The following BAAT variants were observed in gnomAD, a reference collection of about 807,000 sequenced individuals.
BAAT encodes bile acid-CoA:amino acid N-acyltransferase, also known as bile acid CoA: amino acid N-acyltransferase (glycine N-choloyltransferase).
BAAT carries 13 observed loss-of-function variants against 18.9 expected under a neutral mutation model. The observed-to-expected ratio is 0.69, with a 90% CI of 0.45 to 1.10. BAAT has a LOEUF of 1.10. Ranked by LOEUF, BAAT falls within the 50% of genes least tolerant of loss-of-function variation. The probability of loss-of-function intolerance (pLI) is 0.00; values close to 1 mark genes in which losing one functional copy is unlikely to be tolerated. For missense variants in BAAT, 489 were observed against 504.0 expected (o/e 0.97, Z 0.28); for synonymous variants, 170 against 190.7 (o/e 0.89, Z 0.89).
chr9:101,379,575 A>C (rs552126218), intron 1 of BAAT, among the ~76,000 whole-genome samples: 1 of 152,250 alleles, frequency 6.6e-6, no homozygotes, highest in Non-Finnish European at 1.5e-5. Context: ...AATTGGTCCT[A>C]CAATAATTTA....
rs1033155129 is a variant in BAAT at position 101,368,064 on chromosome 9, A to G, written c.669+56T>C. 4.5e-5 allele frequency: 70 copies of G among 1,558,508 alleles called. 1 individual carries two copies. In the Admixed American group the frequency reaches 1.1e-3, roughly 24 times the overall value. ...AAGACCCTGTCTTTTAACAAAAACA[A>G]AAACAGAAACAAAAAAACCCCAGGG... is the stretch of plus-strand genomic sequence containing the variant. On this transcript the variant is annotated intron_variant, in intron 3 of 3. Coordinates refer to ENST00000259407, the MANE Select transcript of BAAT (RefSeq NM_001701.4).
chr9:101,367,992 G>T, intron 3 of BAAT, 128 bp downstream of exon 3: 1 of 974,918 alleles, frequency 1.0e-6, no homozygotes, highest in Non-Finnish European at 1.6e-6. Context: ...CTGGCTTCTG[G>T]CCAAGTGTCA....
chr9:101,368,452 A>G (rs1227688776), intron 2 of BAAT, 130 bp from the exon 3 acceptor site: 12 of 878,944 alleles, frequency 1.4e-5, no homozygotes, highest in Admixed American at 1.2e-4. Context: ...AAGATAATAA[A>G]AACATGAGAA....
chr9:101,380,036 A>G (rs1188463951), intron 1 of BAAT, among the ~76,000 whole-genome samples: 1 of 152,190 alleles, frequency 6.6e-6, no homozygotes, highest in African/African-American at 2.4e-5. Context: ...GCTGTACAAT[A>G]TCAAGCACCC....
chr9:101,364,191 T>C (rs1829786097), intron 3 of BAAT, among the ~76,000 whole-genome samples: 1 of 152,216 alleles, frequency 6.6e-6, no homozygotes, highest in African/African-American at 2.4e-5. Context: ...GATCCTAATC[T>C]ATTTCCCTTT....
At chr9:101,373,790 C>T (rs978011597) in intron 1 of BAAT, among the ~76,000 whole-genome samples, 1 of 152,170 alleles carries the variant, frequency 6.6e-6, no homozygotes, top group Non-Finnish European at 1.5e-5. Flanking sequence ...AACAGACTAA[C>T]TCCTCCCACC....
intron 2 of BAAT, 37 bp downstream of exon 2, chr9:101,370,902 A>G (rs377581251): frequency 3.6e-5 from 58 of 1,600,588 alleles, no homozygotes; most frequent in Non-Finnish European, 4.9e-5. Flanking sequence ...TAAAGTGGAA[A>G]AACAAGAATA....
intron 3 of BAAT, among the ~76,000 whole-genome samples, chr9:101,366,831 G>A (rs1829837240): frequency 6.6e-6 from 1 of 151,758 alleles, no homozygotes; most frequent in South Asian, 2.1e-4. Flanking sequence ...ATGTAGTATG[G>A]AGATTTAATT....
In BAAT at chr9:101,362,836, T is replaced by C. The variant is rs933475650; in HGVS notation, c.849A>G (p.Gln283=). Residue 283 remains glutamine, a synonymous_variant, in exon 4 of 4, where the codon CAA becomes CAG. Transcript: ENST00000259407. ...QIHQPLPHSA[Q]LISTNALGLL... ...ACCCCAAGGCATTGGTGGATATTAATTGTGCAGAATGGGGAAGGGGCTGAT... is the reference window on the plus strand; with the variant it reads ...ACCCCAAGGCATTGGTGGATATTAACTGTGCAGAATGGGGAAGGGGCTGAT... The C allele has an allele frequency of 6.2e-7, 1 of 1,614,018 alleles. No individual in the cohort carries two copies. Among genetic ancestry groups the C allele is most frequent in the African/African-American group, 1.3e-5 (1 of 74,910 alleles).
chr9:101,377,415 G>A (rs1275565470), intron 1 of BAAT, among the ~76,000 whole-genome samples: 1 of 152,136 alleles, frequency 6.6e-6, no homozygotes, highest in Non-Finnish European at 1.5e-5. Context: ...ACATCCCTTG[G>A]CTCAACTCCT....
intron 3 of BAAT, among the ~76,000 whole-genome samples, chr9:101,366,929 T>C (rs1180795210): frequency 6.6e-6 from 1 of 151,462 alleles, no homozygotes; most frequent in East Asian, 1.9e-4. Context: ...TTTCCCAATA[T>C]GGCAAAACCC....
intron 3 of BAAT, among the ~76,000 whole-genome samples, chr9:101,366,031 A>G (rs1376566536): frequency 6.6e-6 from 1 of 152,122 alleles, no homozygotes; most frequent in Non-Finnish European, 1.5e-5. Flanking sequence ...ACAATACATT[A>G]TTATTAACTA....
Position 101,371,064 on chromosome 9 carries a change from A to T in BAAT, c.341T>A (p.Val114Glu), listed in dbSNP as rs143561437. 8.7e-5 allele frequency: 141 copies of T among 1,614,078 alleles called. No individual in the cohort carries two copies. In the African/African-American group the frequency reaches 1.7e-3, roughly 20 times the overall value. Residue 114 changes from valine to glutamate, a missense_variant, in exon 2 of 4, where the codon GTG becomes GAG. Val to Glu is a moderately radical substitution (Grantham distance 121). Transcript: ENST00000259407. ...QVKLYDLELIVNNKVASAPKA... is the reference protein window; with the variant it reads ...QVKLYDLELIENNKVASAPKA... The stretch of plus-strand genomic sequence containing the variant: ...TGGAGCACTGGCAACTTTATTGTTC[A>T]CTATTAACTCTAAGTCATAAAGTTT...
intron 2 of BAAT, among the ~76,000 whole-genome samples, chr9:101,368,816 T>G (rs1247418168): frequency 6.6e-6 from 1 of 152,212 alleles, no homozygotes; most frequent in Non-Finnish European, 1.5e-5. Flanking sequence ...TATATATATT[T>G]GTAGGTGAAT....
chr9:101,362,766 T>C lies in BAAT; in HGVS notation c.919A>G (p.Ser307Gly), dbSNP rs1461163575. ...TCTTCAATAGGAAACAAATATTGAC[T>C]GGCCCCAACTTGAGTTGTCTCAAAA... ...RTFETTQVGASQYLFPIEEAQ... is the reference protein window; with the variant it reads ...RTFETTQVGAGQYLFPIEEAQ... Residue 307 changes from serine to glycine, a missense_variant, in exon 4 of 4, where the codon AGT (serine) becomes GGT (glycine). Transcript: ENST00000259407. The C allele has an allele frequency of 3.1e-6, 5 of 1,614,186 alleles. No homozygotes were observed. Among genetic ancestry groups the C allele is most frequent in the Non-Finnish European group, 3.4e-6 (4 of 1,180,020 alleles).
chr9:101,367,347 A>C (rs1278898269), intron 3 of BAAT, among the ~76,000 whole-genome samples: 1 of 152,176 alleles, frequency 6.6e-6, no homozygotes, highest in Admixed American at 6.6e-5. Flanking sequence ...AAGTATAGTG[A>C]TGAGAAAAAT....
In BAAT at chr9:101,360,544, C is replaced by G. The variant is rs10120225; in HGVS notation, c.*1884G>C. The G allele has an allele frequency of 6.6e-6, 1 of 152,138 alleles. No homozygotes were observed. Among genetic ancestry groups the G allele is most frequent in the Non-Finnish European group, 1.5e-5 (1 of 68,102 alleles). The allele number at this position is 152,138 out of a possible 1,614,324, so 9.4% of individuals were successfully genotyped here. A position where few individuals can be genotyped will look rare whatever the true frequency, so the allele number is the denominator to read the frequency against. Reference sequence around the variant, plus strand: ...TACAATCATGGCAGCAGGTGAACAGCGAGGAGGCATCTCACATGGCGAGAG... The same window carrying G: ...TACAATCATGGCAGCAGGTGAACAGGGAGGAGGCATCTCACATGGCGAGAG... On this transcript the variant is annotated 3_prime_UTR_variant, in exon 4 of 4. Coordinates refer to ENST00000259407, the MANE Select transcript of BAAT (RefSeq NM_001701.4).
rs138768068 is a variant in BAAT, at chr9:101,365,385, GA to G, written c.670-2371del. Among the ~76,000 whole-genome samples the G allele has an allele frequency of 6.1e-3, 899 of 146,268 alleles. 9 individuals are homozygous for G. Among genetic ancestry groups the G allele is most frequent in the African/African-American group, 0.021 (849 of 40,064 alleles). On this transcript the variant is annotated intron_variant, in intron 3 of 3. Coordinates refer to ENST00000259407, the MANE Select transcript of BAAT (RefSeq NM_001701.4). The stretch of plus-strand genomic sequence containing the variant: ...TGTGAGAAATTCTTAGGGTAAGAGG[GA>G]AAAAAAAAACTAAACAAATGGAATG...
chr9:101,373,734 ATAATT>A, intron 1 of BAAT, among the ~76,000 whole-genome samples: 1 of 152,200 alleles, frequency 6.6e-6, no homozygotes, highest in Admixed American at 6.5e-5. Context: ...TCATTATACT[ATAATT>A]TATAGTGTTC....
Sources: allele counts gnomAD v4.1 joint callset (sites outside exome capture counted in the v4.1 genomes callset), GRCh38; gene constraint gnomAD v4.1.1; transcripts MANE v1.5; gene names NCBI Gene and HGNC (gene_info 2026-07-23, HGNC 2026-07-21).